HYDIN: variants seen among roughly 807,000 people sequenced by gnomAD.
The protein encoded by HYDIN is axonemal central pair apparatus protein HYDIN.
In HYDIN, 132 loss-of-function variants were observed where a neutral mutation model predicts 403.9. The observed-to-expected ratio is 0.33, with a 90% CI of 0.28 to 0.38. The LOEUF (loss-of-function observed/expected upper bound fraction) is 0.38, where lower values mean the gene tolerates loss of function less well. Among genes scored for constraint, HYDIN ranks in the 10% least tolerant of loss-of-function variants. HYDIN has a pLI of 1.00. For missense variants in HYDIN, 2,827 were observed against 5,009.5 expected (o/e 0.56, Z 13.15); for synonymous variants, 1,202 against 1,891.7 (o/e 0.64, Z 9.46).
At chr16:70,949,201 C>T (rs1339743848) in intron 41 of HYDIN, among the ~76,000 whole-genome samples, 35 of 150,930 alleles carry the variant, frequency 2.3e-4, no homozygotes, top group African/African-American at 5.8e-4. Context: ...AGTAAACTAT[C>T]GCAAGAACAA....
intron 21 of HYDIN, among the ~76,000 whole-genome samples, chr16:71,022,191 G>A (rs1481539022): frequency 6.6e-5 from 10 of 152,030 alleles, no homozygotes; most frequent in Non-Finnish European, 1.3e-4. Context: ...TGGCTTTGAA[G>A]TACAGAAGCC....
chr16:70,933,964 G>C (rs967333383), intron 45 of HYDIN, among the ~76,000 whole-genome samples: 6 of 152,106 alleles, frequency 3.9e-5, no homozygotes, highest in African/African-American at 7.2e-5. Flanking sequence ...AAAGGCTGAC[G>C]CTGGAAACCT....
At chr16:70,969,088 C>G (rs1265088900) in intron 36 of HYDIN, among the ~76,000 whole-genome samples, 1 of 151,986 alleles carries the variant, frequency 6.6e-6, no homozygotes, top group East Asian at 1.9e-4. Flanking sequence ...ATTACTTACT[C>G]TGGATAACAG....
At chr16:71,168,115 C>T (rs868389599) in intron 5 of HYDIN, among the ~76,000 whole-genome samples, 38 of 151,832 alleles carry the variant, frequency 2.5e-4, no homozygotes, top group Middle Eastern at 3.4e-3. Context: ...GTCAGGAGTT[C>T]GGGACCAGCC....
chr16:70,816,397 A>T (rs1597024914), intron 84 of HYDIN, among the ~76,000 whole-genome samples: 1 of 149,488 alleles, frequency 6.7e-6, no homozygotes, highest in Non-Finnish European at 1.5e-5. Context: ...TGAATAAAAA[A>T]CACTACAATC....
rs1040995714 is a variant in HYDIN, at chr16:70,862,089, G to A, written c.11736C>T (p.Ser3912=). ...GKIQKFKVKF[S]PLDIGDFESN... is the part of the protein sequence containing the mutation. ...TCTCGAAGTCTCCAATGTCCAACGG[G>A]GAGAATTTTACTTTGAACTTCTGAA... Residue 3912 remains serine, a synonymous_variant, in exon 69 of 86, where the codon TCC becomes TCT. Coordinates refer to ENST00000393567, the MANE Select transcript of HYDIN (RefSeq NM_001270974.2). 3.1e-6 allele frequency: 5 copies of A among 1,608,024 alleles called. No individual in the cohort carries two copies. Among genetic ancestry groups the A allele is most frequent in the Non-Finnish European group, 4.2e-6 (5 of 1,177,234 alleles).
chr16:70,964,246 C>T (rs1324648830), intron 37 of HYDIN, among the ~76,000 whole-genome samples: 7 of 149,746 alleles, frequency 4.7e-5, no homozygotes, highest in Non-Finnish European at 1.0e-4. Context: ...TGAATGCCCA[C>T]CCCCTGCTTT....
At chr16:71,171,626 T>C (rs530446987) in intron 5 of HYDIN, among the ~76,000 whole-genome samples, 1 of 152,280 alleles carries the variant, frequency 6.6e-6, no homozygotes, top group Admixed American at 6.5e-5. Context: ...ATGAGGTCCA[T>C]AAAGCTAAAA....
chr16:70,920,530 A>G, intron 46 of HYDIN, 61 bp downstream of exon 46: 6 of 1,293,900 alleles, frequency 4.6e-6, no homozygotes, highest in Middle Eastern at 1.9e-4. Context: ...ACCCCTGATG[A>G]CCTTAGCACA....
intron 18 of HYDIN, among the ~76,000 whole-genome samples, chr16:71,053,285 A>G (rs549448953): frequency 6.6e-6 from 1 of 152,290 alleles, no homozygotes; most frequent in East Asian, 1.9e-4. Context: ...TGAGGTTGAA[A>G]ATGTACCTAT....
At chr16:71,170,499 G>A (rs2086419824) in intron 5 of HYDIN, among the ~76,000 whole-genome samples, 1 of 152,150 alleles carries the variant, frequency 6.6e-6, no homozygotes, top group Non-Finnish European at 1.5e-5. Context: ...GCAACAGGCA[G>A]CAAGGGGCCA....
At chr16:70,808,351 C>T (rs1217995407) in intron 85 of HYDIN, among the ~76,000 whole-genome samples, 3 of 152,130 alleles carry the variant, frequency 2.0e-5, no homozygotes, top group African/African-American at 4.8e-5. Flanking sequence ...CCCCTATATT[C>T]GGTTCTTTCC....
intron 23 of HYDIN, among the ~76,000 whole-genome samples, chr16:71,012,323 G>A (rs1453283249): frequency 2.6e-5 from 4 of 152,244 alleles, no homozygotes; most frequent in Non-Finnish European, 5.9e-5. Flanking sequence ...ATTACATGCA[G>A]ATGTGGGAGG....
intron 39 of HYDIN, among the ~76,000 whole-genome samples, chr16:70,955,830 T>C (rs1053061073): frequency 6.6e-6 from 1 of 152,146 alleles, no homozygotes; most frequent in Non-Finnish European, 1.5e-5. Context: ...TTTTTTTCTT[T>C]TTTTTTGAGA....
At chr16:70,819,974 ATTTTTTTT>A (rs56879257) in intron 83 of HYDIN, among the ~76,000 whole-genome samples, 8 of 123,216 alleles carry the variant, frequency 6.5e-5, no homozygotes, top group Non-Finnish European at 1.2e-4. Flanking sequence ...CGCCTGGCTA[ATTTTTTTT>A]TTTTTTTTTT....
chr16:70,883,992 T>C lies in HYDIN; in HGVS notation c.9907A>G (p.Ile3303Val). Residue 3303 changes from isoleucine (I) to valine (V), a missense_variant, in exon 59 of 86, where the codon ATC becomes GTC. Physicochemically the swap from Ile to Val is conservative, Grantham distance 29. Transcript: ENST00000393567. ...TGGACTGCAGGGTCTCGGCCGGAGATATCGATGGCTATAAACTCCTCACAC... is the reference window on the plus strand; with the variant it reads ...TGGACTGCAGGGTCTCGGCCGGAGACATCGATGGCTATAAACTCCTCACAC... The part of the protein sequence containing the change: ...GKCEEFIAID[I>V]SGRDPAVHPA... 2 of 1,614,114 alleles carry C rather than the reference T, an allele frequency of 1.2e-6. No homozygotes were observed. Among genetic ancestry groups the C allele is most frequent in the Non-Finnish European group, 1.7e-6 (2 of 1,180,040 alleles).
At chr16:71,068,755 T>C (rs2082358419) in intron 14 of HYDIN, among the ~76,000 whole-genome samples, 1 of 152,166 alleles carries the variant, frequency 6.6e-6, no homozygotes, top group Non-Finnish European at 1.5e-5. Flanking sequence ...GGAAGCTGAA[T>C]TCTCATGGCT....
intron 23 of HYDIN, among the ~76,000 whole-genome samples, chr16:71,017,306 C>G (rs577501726): frequency 6.7e-6 from 1 of 148,476 alleles, no homozygotes; most frequent in Non-Finnish European, 1.5e-5. Context: ...GCCCAGATAG[C>G]GCCACTGCAC....
chr16:70,905,757 C>T (rs1190942106), intron 50 of HYDIN, among the ~76,000 whole-genome samples: 3 of 151,886 alleles, frequency 2.0e-5, no homozygotes, highest in East Asian at 3.9e-4. Flanking sequence ...TCTCGCCCAA[C>T]ATCCTGGTTA....
Sources: gnomAD v4.1 joint callset for allele counts (sites outside exome capture counted in the v4.1 genomes callset) on GRCh38, gnomAD v4.1.1 for gene constraint, MANE v1.5 for transcripts, NCBI Gene and HGNC (gene_info 2026-07-23, HGNC 2026-07-21) for gene names.